ABCC4: variants seen among roughly 807,000 people sequenced by gnomAD.
ABCC4 encodes ATP-binding cassette sub-family C member 4.
In ABCC4, 102 loss-of-function variants were observed where a neutral mutation model predicts 168.5. The observed-to-expected ratio is 0.61, with a 90% CI of 0.52 to 0.71. The LOEUF is 0.71. Ranked by LOEUF, ABCC4 falls within the 30% of genes least tolerant of loss-of-function variation. The pLI, the probability that ABCC4 is intolerant of heterozygous loss-of-function variation, is 0.00. For synonymous variants in ABCC4, 617 were observed against 590.7 expected (o/e 1.04, Z -0.65); for missense variants, 1,402 against 1,605.8 (o/e 0.87, Z 2.17).
At chr13:95,114,088 C>T (rs865792402) in intron 20 of ABCC4, among the ~76,000 whole-genome samples, 1 of 152,116 alleles carries the variant, frequency 6.6e-6, no homozygotes, top group Admixed American at 6.6e-5. Context: ...ATTTAACCTT[C>T]GCTGTAGATT....
intron 3 of ABCC4, among the ~76,000 whole-genome samples, chr13:95,246,558 G>A (rs971588018): frequency 3.3e-5 from 5 of 152,180 alleles, no homozygotes; most frequent in Non-Finnish European, 7.3e-5. Context: ...ACATTATTCT[G>A]GGCTCCGATC....
At chr13:95,034,508 A>G in intron 30 of ABCC4, 97 bp downstream of exon 30, 2 of 1,441,646 alleles carry the variant, frequency 1.4e-6, no homozygotes, top group Non-Finnish European at 1.8e-6. Context: ...ATAATTGAAA[A>G]GGGTACACAG....
intron 19 of ABCC4, among the ~76,000 whole-genome samples, chr13:95,143,373 A>T (rs1179908457): frequency 2.0e-5 from 3 of 152,204 alleles, no homozygotes; most frequent in African/African-American, 7.2e-5. Context: ...GTTCAACTGC[A>T]TTTCCAAAAT....
chr13:95,064,284 A>G (rs1006301655), intron 25 of ABCC4, among the ~76,000 whole-genome samples: 1 of 136,774 alleles, frequency 7.3e-6, no homozygotes, highest in Non-Finnish European at 1.5e-5. Flanking sequence ...ATATATATAT[A>G]TATATATATA....
intron 1 of ABCC4, among the ~76,000 whole-genome samples, chr13:95,298,389 AG>A (rs2041591052): frequency 6.6e-6 from 1 of 152,206 alleles, no homozygotes; most frequent in Non-Finnish European, 1.5e-5. Context: ...AGTAGCTGGA[AG>A]CAGTAAGCGC....
chr13:95,079,224 T>G (rs2034009209), intron 21 of ABCC4, among the ~76,000 whole-genome samples: 1 of 152,178 alleles, frequency 6.6e-6, no homozygotes, highest in South Asian at 2.1e-4. Flanking sequence ...AGTTTCCAGC[T>G]GACACAACCT....
intron 22 of ABCC4, 183 bp downstream of exon 22, chr13:95,075,249 C>T (rs369921980): frequency 1.8e-5 from 13 of 709,450 alleles, no homozygotes; most frequent in Admixed American, 5.6e-5. Flanking sequence ...CGTGCAGCAG[C>T]GATTCCGAGA....
intron 17 of ABCC4, 52 bp downstream of exon 17, chr13:95,163,558 G>A: frequency 1.3e-6 from 2 of 1,486,460 alleles, no homozygotes; most frequent in Admixed American, 1.7e-5. Flanking sequence ...GGAAAAGCGA[G>A]TCTTCTTACT....
intron 19 of ABCC4, among the ~76,000 whole-genome samples, chr13:95,160,494 CTGGGTATAGT>C (rs1295432037): frequency 6.6e-6 from 1 of 152,164 alleles, no homozygotes; most frequent in African/African-American, 2.4e-5. Flanking sequence ...TTGGAAAATA[CTGGGTATAGT>C]TGGGTATACC....
chr13:95,200,330 T>C (rs1271375436), intron 8 of ABCC4, among the ~76,000 whole-genome samples: 3 of 152,354 alleles, frequency 2.0e-5, no homozygotes, highest in East Asian at 1.9e-4. Context: ...TCGTTTCTAT[T>C]TGCTACACAT....
intron 19 of ABCC4, among the ~76,000 whole-genome samples, chr13:95,149,192 A>G (rs1202351893): frequency 6.6e-6 from 1 of 152,190 alleles, no homozygotes; most frequent in Non-Finnish European, 1.5e-5. Context: ...TTAAAGTGAA[A>G]GAAGAACACT....
intron 4 of ABCC4, among the ~76,000 whole-genome samples, chr13:95,234,151 A>C (rs2039697396): frequency 6.6e-6 from 1 of 152,236 alleles, no homozygotes; most frequent in Non-Finnish European, 1.5e-5. Flanking sequence ...ATTTCACTGA[A>C]GTTCACTTCT....
intron 1 of ABCC4, among the ~76,000 whole-genome samples, chr13:95,288,950 T>C (rs994871568): frequency 4.6e-5 from 7 of 152,230 alleles, no homozygotes; most frequent in Non-Finnish European, 7.3e-5. Context: ...AATGCCACAT[T>C]TGAGCTCTGT....
chr13:95,148,204 T>C (rs2036560156), intron 19 of ABCC4, among the ~76,000 whole-genome samples: 1 of 152,210 alleles, frequency 6.6e-6, no homozygotes, highest in African/African-American at 2.4e-5. Flanking sequence ...TTTTCATATA[T>C]TGATTCTCTT....
At position 95,206,510 on chromosome 13, in the gene ABCC4, T is replaced by TA. The variant is rs772252880; in HGVS notation, c.1161+21dup. ...TCTACTTCAAATGCACCTACAACTT[T>TA]AAAATGGCATCTGACACCAACCTGG... On this transcript the variant is annotated intron_variant, in intron 8 of 30. Transcript: ENST00000645237. 6.2e-6 allele frequency: 10 copies of TA among 1,607,988 alleles called. No individual in the cohort carries two copies. The African/African-American group carries it at 1.3e-4, about 21-fold the overall frequency.
intron 20 of ABCC4, among the ~76,000 whole-genome samples, chr13:95,083,530 C>CTTT (rs372137669): frequency 2.1e-4 from 29 of 138,764 alleles, no homozygotes; most frequent in African/African-American, 5.7e-4. Flanking sequence ...TTTCCTTTTT[C>CTTT]TTTTTTTTTT....
At chr13:95,098,444 C>G (rs1429753637) in intron 20 of ABCC4, among the ~76,000 whole-genome samples, 1 of 151,788 alleles carries the variant, frequency 6.6e-6, no homozygotes, top group Admixed American at 6.6e-5. Context: ...TGATAAACTC[C>G]AAGCTAAACT....
chr13:95,054,666 G>A (rs2032987991), intron 26 of ABCC4, among the ~76,000 whole-genome samples: 1 of 152,190 alleles, frequency 6.6e-6, no homozygotes, highest in African/African-American at 2.4e-5. Flanking sequence ...GGCAGAACAA[G>A]GGGATGCACA....
Position 95,272,616 on chromosome 13 carries a change from G to A in ABCC4, c.75-24863C>T, listed in dbSNP as rs1012312803. 7.9e-5 allele frequency among the ~76,000 whole-genome samples: 12 copies of A among 152,232 alleles called. No individual in the cohort carries two copies. The South Asian group carries it at 8.3e-4, about 11-fold the overall frequency. On this transcript the variant is annotated intron_variant, in intron 1 of 30. Coordinates refer to ENST00000645237, the MANE Select transcript of ABCC4 (RefSeq NM_005845.5). The stretch of plus-strand genomic sequence containing the variant: ...GTACTAAACATGTGGGGCCGGGCAC[G>A]GTGGCTCACGCCTGTAATCCCAGCA...
Sources: gnomAD v4.1 joint callset for allele counts (sites outside exome capture counted in the v4.1 genomes callset) on GRCh38, gnomAD v4.1.1 for gene constraint, MANE v1.5 for transcripts, NCBI Gene and HGNC (gene_info 2026-07-23, HGNC 2026-07-21) for gene names.